The following PFKFB3 variants were observed in gnomAD, a reference collection of about 807,000 sequenced individuals.
The protein encoded by PFKFB3 is 6-phosphofructo-2-kinase/fructose-2,6-biphosphatase 3.
PFKFB3 carries 33 observed loss-of-function variants against 68.0 expected under a neutral mutation model. The observed-to-expected ratio is 0.49, with a 90% CI of 0.37 to 0.65. PFKFB3 has a LOEUF of 0.65. Ranked by LOEUF, PFKFB3 falls within the 30% of genes least tolerant of loss-of-function variation. The pLI is 0.00. For synonymous variants in PFKFB3, 315 were observed against 288.2 expected, an observed-to-expected ratio of 1.09 and a Z score of -0.94; for missense variants, 586 against 712.2, an observed-to-expected ratio of 0.82 and a Z score of 2.02.
At chr10:6,224,561 G>T (rs1384614482) in intron 13 of PFKFB3, 3 of 456,914 alleles carry the variant, frequency 6.6e-6, no homozygotes, top group South Asian at 4.9e-5. Flanking sequence ...GCTCACTGCA[G>T]CCTCAACCTC....
chr10:6,226,057 G>C (rs551195910), intron 13 of PFKFB3, 135 bp from the exon 14 acceptor site: 1 of 732,306 alleles, frequency 1.4e-6, no homozygotes, highest in Non-Finnish European at 2.3e-6. Context: ...TCCCTGGCCC[G>C]TGGTCCCGGC....
chr10:6,155,988 T>C (rs1841770587), intron 1 of PFKFB3, among the ~76,000 whole-genome samples: 1 of 152,120 alleles, frequency 6.6e-6, no homozygotes, highest in Non-Finnish European at 1.5e-5. Flanking sequence ...TCCTACCCAA[T>C]AGGCAGTTTT....
At chr10:6,181,196 T>C (rs1408526241) in intron 1 of PFKFB3, among the ~76,000 whole-genome samples, 1 of 152,112 alleles carries the variant, frequency 6.6e-6, no homozygotes, top group Non-Finnish European at 1.5e-5. Context: ...TCCAAAAAAA[T>C]GTTTTGTAGA....
the PFKFB3 span, among the ~76,000 whole-genome samples, chr10:6,321,642 T>C: frequency 6.6e-6 from 1 of 152,142 alleles, no homozygotes; most frequent in Non-Finnish European, 1.5e-5. Flanking sequence ...CCTACTCTCC[T>C]TTGCACTCAC....
the PFKFB3 span, among the ~76,000 whole-genome samples, chr10:6,321,601 G>A: frequency 1.2e-4 from 18 of 152,018 alleles, no homozygotes; most frequent in African/African-American, 4.3e-4. Flanking sequence ...CCTGTGTCCT[G>A]GCTACTACCT....
chr10:6,202,054 G>A (rs35413444), upstream of PFKFB3, among the ~76,000 whole-genome samples: 13 of 152,356 alleles, frequency 8.5e-5, no homozygotes, highest in Admixed American at 8.5e-4. Context: ...CCTCGACTTA[G>A]GTAATGAATT....
At chr10:6,178,737 A>T (rs1306359638) in intron 1 of PFKFB3, among the ~76,000 whole-genome samples, 1 of 152,218 alleles carries the variant, frequency 6.6e-6, no homozygotes, top group Non-Finnish European at 1.5e-5. Flanking sequence ...GAGCCACCCC[A>T]TCGTGTGCAG....
At chr10:6,313,490 T>C in the PFKFB3 span, among the ~76,000 whole-genome samples, 4 of 152,152 alleles carry the variant, frequency 2.6e-5, no homozygotes, top group African/African-American at 4.8e-5. The surrounding 1 kb of genome is among the most constrained non-coding windows in gnomAD (Gnocchi z 4.2). Flanking sequence ...GCATGATGCT[T>C]TTCCCCTTGT....
At position 6,229,376 on chromosome 10, in the gene PFKFB3, C is replaced by T. The variant is rs1845582581; in HGVS notation, c.1515+3011C>T. Among the ~76,000 whole-genome samples, 1 of 152,188 alleles carries T rather than the reference C, an allele frequency of 6.6e-6. No homozygotes were observed. The highest frequency in any genetic ancestry group is 1.5e-5 in the Non-Finnish European group (1 of 68,040). On this transcript the variant is annotated intron_variant, in intron 14 of 14. Transcript: ENST00000379775. The surrounding 1 kb of genome is among the most constrained non-coding windows in gnomAD (Gnocchi z 4.3). ...GCCGCAGAGCCGGGGCCTGAAAGGCCCCTTGCTTCAGAAAGCCGGCCGCCT... is the reference window on the plus strand; with the variant it reads ...GCCGCAGAGCCGGGGCCTGAAAGGCTCCTTGCTTCAGAAAGCCGGCCGCCT...
At chr10:6,280,429 C>T in the PFKFB3 span, among the ~76,000 whole-genome samples, 10 of 152,192 alleles carry the variant, frequency 6.6e-5, no homozygotes, top group East Asian at 1.9e-4. Flanking sequence ...GCTCGCCTGA[C>T]GGTGGGAGGA....
intron 1 of PFKFB3, among the ~76,000 whole-genome samples, chr10:6,172,277 G>A (rs1842338585): frequency 6.6e-6 from 1 of 152,228 alleles, no homozygotes; most frequent in African/African-American, 2.4e-5. Flanking sequence ...CTCCTTTGCA[G>A]GAAGGAGAGG....
At position 6,228,409 on chromosome 10, in the gene PFKFB3, G is replaced by T; in HGVS notation, c.1515+2044G>T. 1.5e-6 allele frequency: 1 copy of T among 666,850 alleles called. No individual in the cohort carries two copies. Among genetic ancestry groups the T allele is most frequent in the South Asian group, 1.7e-5 (1 of 58,862 alleles). The allele number at this position is 666,850 out of a possible 1,614,324, so 41.3% of individuals were successfully genotyped here. ...AATGTTTTTGGAAAAGCGTGCAGGC[G>T]GTCATGGTGGCTGCACTACTGTTGG... On this transcript the variant is annotated intron_variant, in intron 14 of 14. Transcript: ENST00000379775. The surrounding 1 kb of genome is among the most constrained non-coding windows in gnomAD (Gnocchi z 4.5).
rs77728536 is a variant in PFKFB3, at chr10:6,165,778, A to G, written c.16+20765A>G. 2.4e-3 allele frequency among the ~76,000 whole-genome samples: 368 copies of G among 152,068 alleles called. 12 individuals carry two copies. The South Asian group carries it at 0.059, about 24-fold the overall frequency. ...GTAGATTATTTCATCACCTAGGTAT[A>G]AGCCTAGTACCCAGTATTTTATTTT... is the stretch of plus-strand genomic sequence containing the variant. On this transcript the variant is annotated intron_variant, in intron 1 of 14. Transcript: ENST00000379789.
At chr10:6,294,813 C>A in the PFKFB3 span, 1 of 152,316 alleles carries the variant, frequency 6.6e-6, no homozygotes, top group Admixed American at 6.5e-5. Context: ...CTCTCTGCCT[C>A]CATTTCCCAT....
chr10:6,181,983 G>C (rs1277174675), intron 1 of PFKFB3, among the ~76,000 whole-genome samples: 2 of 152,022 alleles, frequency 1.3e-5, no homozygotes, highest in Non-Finnish European at 2.9e-5. Context: ...TTCTGGAGCT[G>C]GATGGTAGCG....
chr10:6,214,092 C>T (rs1844406243), intron 2 of PFKFB3, among the ~76,000 whole-genome samples: 1 of 152,196 alleles, frequency 6.6e-6, no homozygotes, highest in African/African-American at 2.4e-5. Flanking sequence ...TAAGCACTGC[C>T]TACCGTAGAT....
At position 6,160,718 on chromosome 10, in the gene PFKFB3, C is replaced by CAAAAAA. The variant is rs538580465; in HGVS notation, c.16+15721_16+15726dup. 3.2e-3 allele frequency among the ~76,000 whole-genome samples: 255 copies of CAAAAAA among 78,606 alleles called. 14 individuals carry two copies. In the Middle Eastern group the frequency reaches 0.043, roughly 13 times the overall value. The allele number at this position is 78,606 out of a possible 152,430, so 51.6% of individuals were successfully genotyped here. Reference sequence around the variant, plus strand: ...GGGCGACAAGAGCAAGACTCTGTCTCAAAAAAAAAAAAAAAAAAAAAGAGG... The same window carrying CAAAAAA: ...GGGCGACAAGAGCAAGACTCTGTCTCAAAAAAAAAAAAAAAAAAAAAAAAAAAGAGG... On this transcript the variant is annotated intron_variant, in intron 1 of 14. Coordinates refer to the PFKFB3 transcript ENST00000379789.
intron 10 of PFKFB3, among the ~76,000 whole-genome samples, chr10:6,222,533 C>T (rs567406763): frequency 6.6e-6 from 1 of 152,214 alleles, no homozygotes; most frequent in African/African-American, 2.4e-5. Context: ...GGCACCGGCC[C>T]GTCTGCTTCC....
At chr10:6,302,374 T>TGG in the PFKFB3 span, among the ~76,000 whole-genome samples, 6 of 94,530 alleles carry the variant, frequency 6.3e-5, 1 homozygote, top group Non-Finnish European at 1.2e-4. Flanking sequence ...TTTTTTTTTT[T>TGG]TTTTTTTTTT....
Sources: gnomAD v4.1 joint callset for allele counts (sites outside exome capture counted in the v4.1 genomes callset) on GRCh38, gnomAD v4.1.1 for gene constraint, Gnocchi (gnomAD v3.1) non-coding constraint, MANE v1.5 for transcripts, NCBI Gene and HGNC (gene_info 2026-07-23, HGNC 2026-07-21) for gene names.